Variants in FAM149A observed in about 807,000 individuals in gnomAD.
The protein encoded by FAM149A is protein FAM149A.
In FAM149A, 71 loss-of-function variants were observed where a neutral mutation model predicts 78.2. The ratio of observed to expected loss-of-function variants is 0.91; its 90% CI spans 0.75 to 1.11. The LOEUF (loss-of-function observed/expected upper bound fraction) is 1.11, where lower values mean the gene tolerates loss of function less well. FAM149A is among the 50% of genes least tolerant of loss of function. The probability of loss-of-function intolerance (pLI) is 0.00; values close to 1 mark genes in which losing one functional copy is unlikely to be tolerated. For missense variants in FAM149A, 1,036 were observed against 971.0 expected (o/e 1.07, Z -0.89); for synonymous variants, 446 against 410.5 (o/e 1.09, Z -1.04).
intron 4 of FAM149A, among the ~76,000 whole-genome samples, chr4:186,152,437 C>T (rs1395725189): frequency 1.3e-5 from 2 of 152,016 alleles, no homozygotes; most frequent in African/African-American, 4.8e-5. Context: ...TGGGTCTTCC[C>T]ATCTCACCCA....
At chr4:186,126,080 T>A in intron 1 of FAM149A, 1 of 985,418 alleles carries the variant, frequency 1.0e-6, no homozygotes, top group South Asian at 4.7e-5. Flanking sequence ...ATCTGGACGC[T>A]TGTTTCCAAT....
chr4:186,130,925 G>T, intron 1 of FAM149A, among the ~76,000 whole-genome samples: 1 of 152,164 alleles, frequency 6.6e-6, no homozygotes. Flanking sequence ...GCTATGAACT[G>T]AATGTCTGTG....
Position 186,153,631 on chromosome 4 carries a change from C to G in FAM149A, c.933-14C>G. The G allele has an allele frequency of 6.2e-7, 1 of 1,603,970 alleles. No homozygotes were observed. The highest frequency in any genetic ancestry group is 1.3e-5 in the African/African-American group (1 of 74,812). Reference sequence around the variant, plus strand: ...CTGATCAAAAATGTCAGTAGCTTCTCTTTGACCTCGCAGAGTATTAGGAAG... The same window carrying G: ...CTGATCAAAAATGTCAGTAGCTTCTGTTTGACCTCGCAGAGTATTAGGAAG... On this transcript the variant is annotated splice_polypyrimidine_tract_variant and intron_variant, in intron 4 of 13. Transcript: ENST00000389354.
At chr4:186,117,851 A>G in intron 1 of FAM149A, 1 of 942,650 alleles carries the variant, frequency 1.1e-6, no homozygotes. Flanking sequence ...GTGAAAAGAA[A>G]GATATTGAAC....
chr4:186,121,928 TTC>T (rs2099316234), intron 1 of FAM149A, among the ~76,000 whole-genome samples: 2 of 152,220 alleles, frequency 1.3e-5, no homozygotes, highest in Non-Finnish European at 2.9e-5. Flanking sequence ...TCTGCCTGAA[TTC>T]TCTGTTAACT....
In FAM149A at chr4:186,167,168, A is replaced by G. The variant is rs1735116218; in HGVS notation, c.2140-16A>G. ...AAAAATGAAACTTGTCCCTGATTTT[A>G]TTTTTCTTCCAGCAGTCGGATACGC... On this transcript the variant is annotated splice_polypyrimidine_tract_variant and intron_variant, in intron 12 of 13. Coordinates refer to ENST00000389354, the MANE Select transcript of FAM149A (RefSeq NM_001367768.3). 6.2e-7 allele frequency: 1 copy of G among 1,607,160 alleles called. No individual in the cohort carries two copies. The highest frequency in any genetic ancestry group is 8.5e-7 in the Non-Finnish European group (1 of 1,174,570).
Position 186,156,199 on chromosome 4 carries a change from A to G in FAM149A, c.1420+9A>G, listed in dbSNP as rs1383133337. 6.2e-7 allele frequency: 1 copy of G among 1,605,352 alleles called. No homozygotes were observed. The highest frequency in any genetic ancestry group is 8.5e-7 in the Non-Finnish European group (1 of 1,175,484). On this transcript the variant is annotated intron_variant, in intron 7 of 13. Coordinates refer to ENST00000389354, the MANE Select transcript of FAM149A (RefSeq NM_001367768.3). Reference sequence around the variant, plus strand: ...GGAAACTACACTCACAGGTACTTACATGCAGAATTTAGCTTAATGAAAAGA... The same window carrying G: ...GGAAACTACACTCACAGGTACTTACGTGCAGAATTTAGCTTAATGAAAAGA...
chr4:186,147,950 T>G (rs185595170), intron 1 of FAM149A, among the ~76,000 whole-genome samples: 1 of 152,226 alleles, frequency 6.6e-6, no homozygotes, highest in East Asian at 1.9e-4. Flanking sequence ...CATATAATTC[T>G]ATTATTCTCT....
At chr4:186,163,015 G>A in intron 9 of FAM149A, 67 bp downstream of exon 9, 1 of 891,846 alleles carries the variant, frequency 1.1e-6, no homozygotes, top group Non-Finnish European at 1.9e-6. Context: ...GAGCACTGAA[G>A]ACTGCAGGGG....
rs1162189160 is a variant in FAM149A at position 186,162,919 on chromosome 4, G to A, written c.1650G>A (p.Arg550=). The A allele has an allele frequency of 1.1e-5, 18 of 1,610,666 alleles. No individual in the cohort carries two copies. The highest frequency in any genetic ancestry group is 1.4e-5 in the Non-Finnish European group (16 of 1,177,770). The change falls in exon 9 of 14, where the codon CGG becomes CGA. Residue 550 remains arginine (R), a synonymous_variant. Transcript: ENST00000389354. ...CAATTCAAGCAAAACCGCTTCAGCG[G>A]AGACCTGCCTATTTTGCTGACAGAA... is the stretch of plus-strand genomic sequence containing the variant.
intron 3 of FAM149A, 122 bp from the exon 4 acceptor site, chr4:186,151,781 T>G: frequency 6.9e-7 from 1 of 1,449,528 alleles, no homozygotes; most frequent in Non-Finnish European, 9.2e-7. Flanking sequence ...AGCCACCATC[T>G]TTTTACCAAG....
intron 1 of FAM149A, among the ~76,000 whole-genome samples, chr4:186,140,441 CTTTTTTTTTTTTTT>C (rs67506672): frequency 0.022 from 2,266 of 105,082 alleles, 81 homozygotes; most frequent in African/African-American, 0.08. Context: ...ACACACCTAG[CTTTTTTTTTTTTTT>C]TTTTTTTTTT....
intron 9 of FAM149A, 74 bp from the exon 10 acceptor site, chr4:186,163,350 A>C: frequency 8.1e-7 from 1 of 1,232,784 alleles, no homozygotes; most frequent in East Asian, 2.3e-5. Flanking sequence ...GCAGTGCTCA[A>C]CTAAGCACAG....
rs755983410 is a variant in FAM149A, at chr4:186,159,732, T to G, written c.1575+2013T>G. ...CTTGAATTGCATTTTTATTGAGAGA[T>G]GTGGTCGCAGGTGAGGCTGGAAAGG... On this transcript the variant is annotated intron_variant, in intron 8 of 13. Transcript: ENST00000389354. Among the ~76,000 whole-genome samples the G allele has an allele frequency of 7.2e-5, 11 of 152,042 alleles. No homozygotes were observed. The East Asian group carries it at 1.5e-3, about 21-fold the overall frequency.
chr4:186,167,867 C>A (rs931309587), intron 13 of FAM149A, among the ~76,000 whole-genome samples: 1 of 152,056 alleles, frequency 6.6e-6, no homozygotes, highest in Non-Finnish European at 1.5e-5. Context: ...GGCTGTGCAA[C>A]CCTAGGAATG....
At chr4:186,169,195 A>G (rs763478646) in intron 13 of FAM149A, 238 of 984,184 alleles carry the variant, frequency 2.4e-4, no homozygotes, top group Non-Finnish European at 2.8e-4. Context: ...TTCTCTTATC[A>G]GTAACTTTTT....
intron 1 of FAM149A, chr4:186,109,417 T>C: frequency 1.1e-6 from 1 of 920,098 alleles, no homozygotes; most frequent in Non-Finnish European, 1.3e-6. Context: ...GTAAAGTGAC[T>C]AGAGGGACTT....
chr4:186,127,056 C>A (rs1296030453), intron 1 of FAM149A: 1 of 985,260 alleles, frequency 1.0e-6, no homozygotes, highest in Non-Finnish European at 1.2e-6. Context: ...AGGACAGTTA[C>A]TTCACAGGCA....
chr4:186,124,622 C>T (rs1240824450), intron 1 of FAM149A, among the ~76,000 whole-genome samples: 1 of 152,146 alleles, frequency 6.6e-6, no homozygotes, highest in African/African-American at 2.4e-5. Context: ...CATAGTATTC[C>T]ATGGTGTATA....
Sources: allele counts gnomAD v4.1 joint callset (sites outside exome capture counted in the v4.1 genomes callset), GRCh38; gene constraint gnomAD v4.1.1; transcripts MANE v1.5; gene names NCBI Gene and HGNC (gene_info 2026-07-23, HGNC 2026-07-21).